LONRF1: variants seen among roughly 807,000 people sequenced by gnomAD.
The protein encoded by LONRF1 is LON peptidase N-terminal domain and RING finger protein 1.
Under a neutral mutation model 85.8 loss-of-function variants are expected in LONRF1, and 37 were observed. The ratio of observed to expected loss-of-function variants is 0.43; its 90% CI spans 0.33 to 0.57. LONRF1 has a LOEUF of 0.57. LONRF1 is among the 20% of genes least tolerant of loss of function. The pLI, the probability that LONRF1 is intolerant of heterozygous loss-of-function variation, is 0.04. For synonymous variants in LONRF1, 517 were observed against 390.1 expected (o/e 1.33, Z -3.83); for missense variants, 1,036 against 978.0 (o/e 1.06, Z -0.79).
In LONRF1 at chr8:12,725,742, C is replaced by T. The variant is rs766993618; in HGVS notation, c.2148G>A (p.Arg716=). Residue 716 remains arginine (R), a synonymous_variant, in exon 11 of 12, where the codon AGG becomes AGA. Transcript: ENST00000398246. ...GCCACCATACCTGAAGGTTTTCCTC[C>T]CTCTCGGGCATTGATCCGAAATGCT... is the stretch of plus-strand genomic sequence containing the variant. ...ILQHFGSMPE[R]EENLQAAPNG... is the part of the protein sequence containing the mutation. 5.0e-6 allele frequency: 8 copies of T among 1,611,632 alleles called. No individual in the cohort carries two copies. The African/African-American group carries it at 9.3e-5, about 19-fold the overall frequency.
chr8:12,737,706 A>G (rs1798774269), intron 4 of LONRF1, among the ~76,000 whole-genome samples: 1 of 152,166 alleles, frequency 6.6e-6, no homozygotes, highest in Admixed American at 6.6e-5. Flanking sequence ...TAGTTATGCT[A>G]TAACACAGCT....
rs1316717548 is a variant in LONRF1 at position 12,737,083 on chromosome 8, G to C, written c.1171C>G (p.Gln391Glu). Residue 391 changes from glutamine to glutamate, a missense_variant, in exon 5 of 12, where the codon CAG (glutamine) becomes GAG (glutamate). Physicochemically the swap from Gln to Glu is conservative, Grantham distance 29. Coordinates refer to ENST00000398246, the MANE Select transcript of LONRF1 (RefSeq NM_152271.5). Reference sequence around the variant, plus strand: ...GTTGAATTTATAGACTGTGCTGACTGAGCACGGTTTAAGCTTCCTTTGACA... The same window carrying C: ...GTTGAATTTATAGACTGTGCTGACTCAGCACGGTTTAAGCTTCCTTTGACA... ...EPVKGSLNRA[Q>E]SAQSINSTEM... The C allele has an allele frequency of 6.2e-7, 1 of 1,613,506 alleles. No homozygotes were observed. Among genetic ancestry groups the C allele is most frequent in the Non-Finnish European group, 8.5e-7 (1 of 1,179,576 alleles).
At chr8:12,754,535 GC>G in intron 1 of LONRF1, among the ~76,000 whole-genome samples, 164 bp downstream of exon 1, 1 of 151,918 alleles carries the variant, frequency 6.6e-6, no homozygotes. Context: ...CCGGGGCGCC[GC>G]CCCCTCCCAC....
chr8:12,747,310 A>G (rs550570219), intron 1 of LONRF1, among the ~76,000 whole-genome samples: 2 of 152,190 alleles, frequency 1.3e-5, no homozygotes, highest in Non-Finnish European at 2.9e-5. Flanking sequence ...TCTTTGTTCC[A>G]ATCATTAGAG....
At position 12,723,017 on chromosome 8, in the gene LONRF1, G is replaced by C. The variant is rs1212021374; in HGVS notation, c.*79C>G. ...CATTAAATTTCTGAAACCAGCACTA[G>C]ATGTGCAAAGGCAGCAGACAATCTG... On this transcript the variant is annotated 3_prime_UTR_variant, in exon 12 of 12. Coordinates refer to ENST00000398246, the MANE Select transcript of LONRF1 (RefSeq NM_152271.5). 48 of 1,319,994 alleles carry C rather than the reference G, an allele frequency of 3.6e-5. No individual in the cohort carries two copies. Among genetic ancestry groups the C allele is most frequent in the Non-Finnish European group, 4.5e-5 (44 of 970,032 alleles). The allele number at this position is 1,319,994 out of a possible 1,614,324, so 81.8% of individuals were successfully genotyped here. A position where few individuals can be genotyped will look rare whatever the true frequency, so the allele number is the denominator to read the frequency against.
intron 1 of LONRF1, among the ~76,000 whole-genome samples, chr8:12,747,756 C>CTT (rs71205087): frequency 1.2e-3 from 42 of 34,640 alleles, no homozygotes; most frequent in African/African-American, 1.5e-3. Context: ...AAATCTCTCT[C>CTT]TTTTTTTTTT....
At chr8:12,730,476 G>A (rs1798486389) in intron 8 of LONRF1, among the ~76,000 whole-genome samples, 1 of 152,028 alleles carries the variant, frequency 6.6e-6, no homozygotes, top group Non-Finnish European at 1.5e-5. Context: ...TTTAAAATAT[G>A]TGTTTTAAGA....
chr8:12,754,668 G>T, intron 1 of LONRF1, 32 bp downstream of exon 1: 1 of 1,300,546 alleles, frequency 7.7e-7, no homozygotes, highest in South Asian at 2.4e-5. Context: ...GGGTGCGGTC[G>T]GCCCGGCCCC....
rs1351561993 is a variant in LONRF1, at chr8:12,754,692, G to T, written c.721+8C>A. The T allele has an allele frequency of 1.8e-5, 24 of 1,343,514 alleles. No individual in the cohort carries two copies. Among genetic ancestry groups the T allele is most frequent in the Admixed American group, 4.1e-5 (1 of 24,170 alleles). 83.2% of individuals were successfully genotyped at this position (1,343,514 alleles called of 1,614,324 possible). A position where few individuals can be genotyped will look rare whatever the true frequency, so the allele number is the denominator to read the frequency against. On this transcript the variant is annotated splice_region_variant and intron_variant, in intron 1 of 11. Transcript: ENST00000398246. ...CGGCCCGGCCCCGCCGCATCCCCGC[G>T]CGGTCACCTGCTCGCAGCGCCTCGC...
rs1805971679 is a variant in LONRF1, at chr8:12,722,964, C to T, written c.*132G>A. On this transcript the variant is annotated 3_prime_UTR_variant, in exon 12 of 12. Transcript: ENST00000398246. The stretch of plus-strand genomic sequence containing the variant: ...TATTCATTTGCAGAACCACATGATT[C>T]AGGAGGTCGAAGGAAAAAGAAAAGT... The T allele has an allele frequency of 3.3e-5, 27 of 807,446 alleles. No homozygotes were observed. In the South Asian group the frequency reaches 5.2e-4, roughly 16 times the overall value. The allele number at this position is 807,446 out of a possible 1,614,324, so 50.0% of individuals were successfully genotyped here.
chr8:12,739,879 T>G (rs949876289), intron 3 of LONRF1, among the ~76,000 whole-genome samples: 1 of 152,180 alleles, frequency 6.6e-6, no homozygotes, highest in Non-Finnish European at 1.5e-5. Flanking sequence ...ATCAGTGGGC[T>G]AGAATGTATA....
intron 7 of LONRF1, among the ~76,000 whole-genome samples, chr8:12,734,547 A>G (rs1798647466): frequency 6.6e-6 from 1 of 152,190 alleles, no homozygotes; most frequent in Admixed American, 6.5e-5. Context: ...AAGCATGATT[A>G]AGAGGGTGCT....
chr8:12,752,741 A>C (rs1799459093), intron 1 of LONRF1, among the ~76,000 whole-genome samples: 1 of 152,252 alleles, frequency 6.6e-6, no homozygotes, highest in Non-Finnish European at 1.5e-5. Flanking sequence ...CTCAATTATC[A>C]AAAGTGCTCA....
chr8:12,755,510 G>T lies in LONRF1; in HGVS notation c.-90C>A. ...CTCCGCACGCGGCCCGCGAGCAGGG[G>T]GGCGTGGCGCGCGGACACGGCGGGG... On this transcript the variant is annotated 5_prime_UTR_variant, in exon 1 of 12. Coordinates refer to ENST00000398246, the MANE Select transcript of LONRF1 (RefSeq NM_152271.5). 1.6e-6 allele frequency: 1 copy of T among 611,080 alleles called. No homozygotes were observed. The highest frequency in any genetic ancestry group is 2.0e-6 in the Non-Finnish European group (1 of 488,604). 37.9% of individuals were successfully genotyped at this position (611,080 alleles called of 1,614,324 possible).
At chr8:12,725,924 TCCATATG>T in intron 10 of LONRF1, 45 bp from the exon 11 acceptor site, 1 of 1,566,136 alleles carries the variant, frequency 6.4e-7, no homozygotes, top group Non-Finnish European at 8.7e-7. Flanking sequence ...TAATCCCCCG[TCCATATG>T]CCATATGCCA....
At chr8:12,754,596 G>A (rs1049308553) in intron 1 of LONRF1, 104 bp downstream of exon 1, 1 of 1,202,516 alleles carries the variant, frequency 8.3e-7, no homozygotes, top group Non-Finnish European at 1.0e-6. Flanking sequence ...GCGGCCCCGG[G>A]GAAGCAGAGG....
intron 3 of LONRF1, among the ~76,000 whole-genome samples, chr8:12,739,163 C>G (rs993410558): frequency 4.6e-5 from 7 of 151,844 alleles, no homozygotes; most frequent in African/African-American, 1.7e-4. Flanking sequence ...CATATGTCCA[C>G]AAAATGACTT....
At chr8:12,744,460 T>A (rs549185272) in intron 1 of LONRF1, among the ~76,000 whole-genome samples, 10 of 152,162 alleles carry the variant, frequency 6.6e-5, no homozygotes, top group Non-Finnish European at 1.3e-4. Flanking sequence ...TGAAAAATTA[T>A]CTCTGAACAA....
chr8:12,723,197 G>T lies in LONRF1; in HGVS notation c.2221C>A (p.Pro741Thr). 1 of 1,614,084 alleles carries T rather than the reference G, an allele frequency of 6.2e-7. No individual in the cohort carries two copies. The highest frequency in any genetic ancestry group is 8.5e-7 in the Non-Finnish European group (1 of 1,180,004). Residue 741 changes from proline to threonine, a missense_variant, in exon 12 of 12, where the codon CCA becomes ACA. This residue lies in a region of LONRF1 where 265 missense variants were observed against 301.5 expected (regional missense o/e 0.88). Transcript: ENST00000398246. The part of the protein sequence containing the change: ...WWLLAVLPVD[P>T]RYQLSVLSMK... ...GACAAAACCGACAGCTGGTATCGTG[G>T]GTCTACAGGGAGAACTGCAAGAAGC...
Sources: allele counts gnomAD v4.1 joint callset (sites outside exome capture counted in the v4.1 genomes callset), GRCh38; gene constraint gnomAD v4.1.1; regional missense constraint gnomAD v4.1.1; transcripts MANE v1.5; gene names NCBI Gene and HGNC (gene_info 2026-07-23, HGNC 2026-07-21).